MICAL3: variants seen among roughly 807,000 people sequenced by gnomAD.
MICAL3 encodes [F-actin]-monooxygenase MICAL3.
In MICAL3, 62 loss-of-function variants were observed where a neutral mutation model predicts 207.4. That is an observed-to-expected ratio of 0.30 (90% CI 0.24 to 0.37). The LOEUF is 0.37. Ranked by LOEUF, MICAL3 falls within the 10% of genes least tolerant of loss-of-function variation. The pLI is 1.00. For missense variants in MICAL3, 2,368 were observed against 2,635.6 expected (o/e 0.90, Z 2.22); for synonymous variants, 1,077 against 1,069.3 (o/e 1.01, Z -0.14).
chr22:18,010,509 C>G (rs555020217), intron 1 of MICAL3, among the ~76,000 whole-genome samples: 16 of 152,214 alleles, frequency 1.1e-4, no homozygotes, highest in African/African-American at 3.6e-4. Context: ...GACTGAGAAG[C>G]CTTCCATCTA....
chr22:17,949,637 C>T (rs911403630), intron 1 of MICAL3, among the ~76,000 whole-genome samples: 2 of 152,134 alleles, frequency 1.3e-5, no homozygotes, highest in South Asian at 2.1e-4. Context: ...CTATATGATC[C>T]GACAAGTTTT....
chr22:18,023,871 C>T (rs2146522844), intron 1 of MICAL3, among the ~76,000 whole-genome samples: 1 of 152,254 alleles, frequency 6.6e-6, no homozygotes, highest in Admixed American at 6.5e-5. Context: ...AGAGCGGACC[C>T]GGCTTCGCCA....
rs1923986377 is a variant in MICAL3 at position 17,841,357 on chromosome 22, C to T, written c.2801+465G>A. 4.3e-6 allele frequency: 1 copy of T among 234,094 alleles called. No homozygotes were observed. The highest frequency in any genetic ancestry group is 5.0e-5 in the Admixed American group (1 of 20,180). The allele number at this position is 234,094 out of a possible 1,614,324, so 14.5% of individuals were successfully genotyped here. On this transcript the variant is annotated intron_variant, in intron 20 of 31. Coordinates refer to ENST00000441493, the MANE Select transcript of MICAL3 (RefSeq NM_015241.3). The surrounding 1 kb of genome is among the most constrained non-coding windows in gnomAD (Gnocchi z 4.2). ...CTGCCTAAGCATGCATCCACTGGTGCTGCATGCGGCCCCTGGGGCACACAT... is the reference window on the plus strand; with the variant it reads ...CTGCCTAAGCATGCATCCACTGGTGTTGCATGCGGCCCCTGGGGCACACAT...
intron 26 of MICAL3, 40 bp downstream of exon 26, chr22:17,817,271 C>A: frequency 6.5e-7 from 1 of 1,537,026 alleles, no homozygotes; most frequent in Non-Finnish European, 8.8e-7. Flanking sequence ...TCCCGCACCC[C>A]TCCCGCTCTG....
rs1281115945 is a variant in MICAL3, at chr22:17,849,683, TGTGTA to T, written c.2606-7671_2606-7667del. 1.0e-3 allele frequency among the ~76,000 whole-genome samples: 130 copies of T among 125,830 alleles called. 2 individuals are homozygous for T. Among genetic ancestry groups the T allele is most frequent in the Non-Finnish European group, 1.8e-3 (105 of 59,610 alleles). 82.5% of individuals were successfully genotyped at this position (125,830 alleles called of 152,430 possible). On this transcript the variant is annotated intron_variant, in intron 19 of 31. Coordinates refer to ENST00000441493, the MANE Select transcript of MICAL3 (RefSeq NM_015241.3). ...GTGTGTGTGTGTGTGTGTGTGTGTG[TGTGTA>T]TTTTTTTTTTTTTTTTTTTTTTTTG...
rs773270338 is a variant in MICAL3 at position 17,871,928 on chromosome 22, G to A, written c.2337C>T (p.Ala779=). ...KRVYVMERLS[A]EGKFFHRSCF... ...AGCTCCGGTGGAAGAACTTGCCCTC[G>A]GCACTCAGCCTCTCCATCACGTAGA... The change falls in exon 17 of 32, where the codon GCC becomes GCT. Residue 779 remains alanine (A), a synonymous_variant. Coordinates refer to ENST00000441493, the MANE Select transcript of MICAL3 (RefSeq NM_015241.3). 2.3e-5 allele frequency: 37 copies of A among 1,611,074 alleles called. No homozygotes were observed. The South Asian group carries it at 2.3e-4, about 10-fold the overall frequency.
At chr22:17,885,614 T>C (rs771151308) in intron 16 of MICAL3, among the ~76,000 whole-genome samples, 22 of 144,282 alleles carry the variant, frequency 1.5e-4, no homozygotes, top group African/African-American at 6.2e-4. Context: ...TGTACAGGTA[T>C]ATGAATACAG....
chr22:17,914,656 A>G (rs908019409), intron 1 of MICAL3, among the ~76,000 whole-genome samples: 2 of 152,312 alleles, frequency 1.3e-5, no homozygotes, highest in Admixed American at 6.5e-5. Flanking sequence ...GCAAGGACAC[A>G]CAATACAGGA....
intron 29 of MICAL3, among the ~76,000 whole-genome samples, chr22:17,807,622 G>A (rs2145981735): frequency 6.6e-6 from 1 of 152,202 alleles, no homozygotes; most frequent in Non-Finnish European, 1.5e-5. Context: ...GCAATTTCCA[G>A]GCCTTAAAGG....
rs76613044 is a variant in MICAL3, at chr22:17,868,623, T to A, written c.2429-2611A>T. Among the ~76,000 whole-genome samples the A allele has an allele frequency of 2.4e-4, 37 of 152,118 alleles. 1 individual carries two copies. In the East Asian group the frequency reaches 7.0e-3, roughly 29 times the overall value. ...TGCTATGTTTTTAATTAGCTATGAA[T>A]TGTGGGTGATTCAGTCAAGTGACTG... On this transcript the variant is annotated intron_variant, in intron 17 of 31. Transcript: ENST00000441493.
chr22:17,961,883 T>A (rs1867356), intron 1 of MICAL3, among the ~76,000 whole-genome samples: 36,248 of 151,928 alleles, frequency 0.24, 4,922 homozygotes, highest in East Asian at 0.52. Context: ...CACCTTCCAA[T>A]GGGCAAGTGG....
chr22:17,964,852 T>C (rs1243062837), intron 1 of MICAL3, among the ~76,000 whole-genome samples: 1 of 152,228 alleles, frequency 6.6e-6, no homozygotes, highest in East Asian at 1.9e-4. Flanking sequence ...GGACACTGGC[T>C]GGTTCAGGAG....
chr22:17,790,808 C>T lies in MICAL3; in HGVS notation c.5933G>A (p.Arg1978Gln), dbSNP rs1310318302. ...DSLVALLEEQ[R>Q]LREREEDKDL... The stretch of plus-strand genomic sequence containing the variant: ...CTTGTCCTCCTCTCTCTCCCGGAGC[C>T]GCTGCTCCTCCAGCAGCGCCACCAG... Residue 1978 changes from arginine (R) to glutamine (Q), a missense_variant, in exon 32 of 32, where the codon CGG (arginine) becomes CAG (glutamine). This residue lies in a region of MICAL3 where 1,770 missense variants were observed against 1,863.2 expected (regional missense o/e 0.95). Coordinates refer to ENST00000441493, the MANE Select transcript of MICAL3 (RefSeq NM_015241.3). 5 of 1,613,518 alleles carry T rather than the reference C, an allele frequency of 3.1e-6. No individual in the cohort carries two copies. The highest frequency in any genetic ancestry group is 2.2e-5 in the East Asian group (1 of 44,876).
chr22:17,944,050 C>A (rs1419068899), intron 1 of MICAL3, among the ~76,000 whole-genome samples: 3 of 152,192 alleles, frequency 2.0e-5, no homozygotes, highest in Non-Finnish European at 4.4e-5. Context: ...CCCATCTGCC[C>A]AGTGCTCCCC....
intron 29 of MICAL3, among the ~76,000 whole-genome samples, chr22:17,805,243 T>A (rs1180616405): frequency 1.3e-5 from 2 of 152,084 alleles, no homozygotes; most frequent in African/African-American, 4.8e-5. Flanking sequence ...CTCAGCCAGG[T>A]GCCACAAGAC....
At chr22:18,004,020 G>A (rs368901744) in intron 1 of MICAL3, among the ~76,000 whole-genome samples, 28 of 151,978 alleles carry the variant, frequency 1.8e-4, no homozygotes, top group South Asian at 8.3e-4. Flanking sequence ...TGCCTGCCTC[G>A]GCCTCCCAGA....
At chr22:17,888,372 A>G (rs1324934207) in intron 13 of MICAL3, among the ~76,000 whole-genome samples, 1 of 152,212 alleles carries the variant, frequency 6.6e-6, no homozygotes, top group African/African-American at 2.4e-5. Flanking sequence ...GCACTATGAG[A>G]GCCTGAGACA....
intron 1 of MICAL3, among the ~76,000 whole-genome samples, chr22:17,923,327 T>C (rs763970009): frequency 5.3e-5 from 8 of 152,216 alleles, no homozygotes; most frequent in Non-Finnish European, 8.8e-5. Flanking sequence ...CAAAGACCAG[T>C]TGCCAAAAAC....
chr22:17,938,402 C>T (rs1337485897), intron 1 of MICAL3, among the ~76,000 whole-genome samples: 3 of 152,198 alleles, frequency 2.0e-5, no homozygotes, highest in Non-Finnish European at 2.9e-5. Context: ...CGGCCAAGCT[C>T]AGCAGGGTTC....
Sources: gnomAD v4.1 joint callset for allele counts (sites outside exome capture counted in the v4.1 genomes callset) on GRCh38, gnomAD v4.1.1 for gene constraint, gnomAD v4.1.1 regional missense constraint, Gnocchi (gnomAD v3.1) non-coding constraint, MANE v1.5 for transcripts, NCBI Gene and HGNC (gene_info 2026-07-23, HGNC 2026-07-21) for gene names.